The following EXT1 variants were observed in gnomAD, a reference collection of about 807,000 sequenced individuals.
EXT1 encodes exostosin glycosyltransferase 1.
EXT1 carries 20 observed loss-of-function variants against 82.5 expected under a neutral mutation model. That is an observed-to-expected ratio of 0.24 (90% confidence interval 0.17 to 0.35). The LOEUF (loss-of-function observed/expected upper bound fraction) is 0.35, where lower values mean the gene tolerates loss of function less well. Among genes scored for constraint, EXT1 ranks in the 10% least tolerant of loss-of-function variants. The pLI is 1.00. For synonymous variants in EXT1, 348 were observed against 350.8 expected (o/e 0.99, Z 0.09); for missense variants, 757 against 936.5 (o/e 0.81, Z 2.50).
intron 2 of EXT1, among the ~76,000 whole-genome samples, chr8:117,836,749 G>T (rs1024437748): frequency 1.3e-5 from 2 of 152,128 alleles, no homozygotes; most frequent in African/African-American, 4.8e-5. Context: ...GAAGATGCAG[G>T]CAGAAAAGAC....
intron 1 of EXT1, among the ~76,000 whole-genome samples, chr8:117,888,444 T>C (rs1288184037): frequency 6.6e-6 from 1 of 152,188 alleles, no homozygotes; most frequent in Non-Finnish European, 1.5e-5. Flanking sequence ...TAAAGTAATA[T>C]AATAGTTCTC....
At chr8:117,821,471 C>T (rs1811923290) in intron 5 of EXT1, among the ~76,000 whole-genome samples, 1 of 152,166 alleles carries the variant, frequency 6.6e-6, no homozygotes, top group Admixed American at 6.5e-5. Flanking sequence ...TTCTTGTCAA[C>T]CAGTGCCTTA....
chr8:118,034,887 C>T (rs994248257), intron 1 of EXT1, among the ~76,000 whole-genome samples: 5 of 152,142 alleles, frequency 3.3e-5, no homozygotes, highest in Admixed American at 1.3e-4. Flanking sequence ...ACTGGGAGAA[C>T]AGAGATTCAG....
At chr8:118,033,813 T>A (rs537540839) in intron 1 of EXT1, among the ~76,000 whole-genome samples, 3 of 152,336 alleles carry the variant, frequency 2.0e-5, no homozygotes, top group African/African-American at 7.2e-5. Context: ...AAAGTTTGGA[T>A]ATGATTATCT....
chr8:117,867,686 C>T (rs556659873), intron 1 of EXT1, among the ~76,000 whole-genome samples: 2 of 152,304 alleles, frequency 1.3e-5, no homozygotes, highest in African/African-American at 4.8e-5. Context: ...TTCTAAATAC[C>T]TTTTTCTCCC....
At chr8:118,000,336 C>T (rs1228208784) in intron 1 of EXT1, among the ~76,000 whole-genome samples, 3 of 152,070 alleles carry the variant, frequency 2.0e-5, no homozygotes, top group African/African-American at 7.2e-5. Context: ...CCCTGACTAC[C>T]TTGACAAAGG....
At chr8:117,808,948 C>G (rs1021800417) in intron 8 of EXT1, among the ~76,000 whole-genome samples, 5 of 151,702 alleles carry the variant, frequency 3.3e-5, no homozygotes, top group Non-Finnish European at 7.4e-5. Context: ...TTTCTTTTTG[C>G]CTGCCGGCTG....
chr8:117,904,812 A>T (rs977191150), intron 1 of EXT1, among the ~76,000 whole-genome samples: 2 of 151,664 alleles, frequency 1.3e-5, no homozygotes, highest in Non-Finnish European at 2.9e-5. Flanking sequence ...GGGAAGTAGG[A>T]GAGAGAGAGA....
At chr8:118,101,951 GA>G (rs757754252) in intron 1 of EXT1, among the ~76,000 whole-genome samples, 1,498 of 134,756 alleles carry the variant, frequency 0.011, 34 homozygotes, top group Admixed American at 0.058. Flanking sequence ...TTCTAATGAG[GA>G]AAAAAAAAAA....
chr8:117,927,656 C>T (rs898960151), intron 1 of EXT1, among the ~76,000 whole-genome samples: 25 of 152,154 alleles, frequency 1.6e-4, no homozygotes, highest in Admixed American at 4.6e-4. Context: ...CAGTAACATA[C>T]CACTCAATCT....
intron 1 of EXT1, among the ~76,000 whole-genome samples, chr8:118,098,583 C>T (rs1258794830): frequency 2.0e-5 from 3 of 151,930 alleles, no homozygotes; most frequent in African/African-American, 4.8e-5. Context: ...GGTGAAACCC[C>T]GTCTCTACTA....
chr8:117,845,859 C>A (rs1563578023), intron 1 of EXT1, among the ~76,000 whole-genome samples: 1 of 152,140 alleles, frequency 6.6e-6, no homozygotes, highest in Non-Finnish European at 1.5e-5. Flanking sequence ...ATCTTTACCA[C>A]CATCATGGAG....
At chr8:118,020,784 T>C (rs1816090617) in intron 1 of EXT1, among the ~76,000 whole-genome samples, 3 of 152,328 alleles carry the variant, frequency 2.0e-5, no homozygotes, top group South Asian at 2.1e-4. Flanking sequence ...GCAAGTCACT[T>C]AGCCTTCTTT....
rs1410364563 is a variant in EXT1, at chr8:118,110,565, A to G, written c.482T>C (p.Leu161Ser). 2 of 1,614,194 alleles carry G rather than the reference A, an allele frequency of 1.2e-6. No individual in the cohort carries two copies. The highest frequency in any genetic ancestry group is 1.7e-6 in the Non-Finnish European group (2 of 1,180,040). ...CTGAGGTGACAACTGGTCTCTGTCT[A>G]AAGTATCCAGACTCAGGACAAAGAG... Reference protein sequence around the residue: ...ACLFVLSLDTLDRDQLSPQYV... With the variant: ...ACLFVLSLDTSDRDQLSPQYV... Residue 161 changes from leucine to serine, a missense_variant, in exon 1 of 11, where the codon TTA becomes TCA. Physicochemically the swap from Leu to Ser is moderately radical, Grantham distance 145. Coordinates refer to ENST00000378204, the MANE Select transcript of EXT1 (RefSeq NM_000127.3).
intron 1 of EXT1, among the ~76,000 whole-genome samples, chr8:117,933,907 G>C (rs573659602): frequency 2.2e-4 from 34 of 152,166 alleles, no homozygotes; most frequent in African/African-American, 7.5e-4. Flanking sequence ...CTGCTGTCCA[G>C]CCTTGCTCCA....
intron 1 of EXT1, among the ~76,000 whole-genome samples, chr8:118,067,002 C>T (rs1817000894): frequency 1.3e-5 from 2 of 152,198 alleles, no homozygotes; most frequent in Non-Finnish European, 2.9e-5. Context: ...GGGGAATAGA[C>T]AGCTGCCGTC....
At chr8:117,919,652 G>A (rs1182624623) in intron 1 of EXT1, among the ~76,000 whole-genome samples, 3 of 151,830 alleles carry the variant, frequency 2.0e-5, no homozygotes, top group Non-Finnish European at 2.9e-5. Flanking sequence ...CCACAGGCAC[G>A]TGCTACTATA....
At chr8:117,809,413 G>A (rs1823287118) in intron 8 of EXT1, among the ~76,000 whole-genome samples, 2 of 151,310 alleles carry the variant, frequency 1.3e-5, no homozygotes, top group Admixed American at 1.3e-4. Flanking sequence ...GAGGTGGGCG[G>A]ATCACTTGAG....
chr8:117,915,799 T>C (rs990656492), intron 1 of EXT1, among the ~76,000 whole-genome samples: 6 of 152,142 alleles, frequency 3.9e-5, no homozygotes, highest in Admixed American at 1.3e-4. Flanking sequence ...GAGGTTACAG[T>C]GAGCCAAGAT....
Sources: gnomAD v4.1 joint callset for allele counts (sites outside exome capture counted in the v4.1 genomes callset) on GRCh38, gnomAD v4.1.1 for gene constraint, MANE v1.5 for transcripts, NCBI Gene and HGNC (gene_info 2026-07-23, HGNC 2026-07-21) for gene names.